PPME1: variants seen among roughly 807,000 people sequenced by gnomAD.
PPME1 encodes protein phosphatase methylesterase 1, also known as testicular secretory protein Li 39.
PPME1 carries 17 observed loss-of-function variants against 56.9 expected under a neutral mutation model. The ratio of observed to expected loss-of-function variants is 0.30; its 90% CI spans 0.20 to 0.45. PPME1 has a LOEUF of 0.45. Ranked by LOEUF, PPME1 falls within the 20% of genes least tolerant of loss-of-function variation. The probability of loss-of-function intolerance (pLI) is 1.00; values close to 1 mark genes in which losing one functional copy is unlikely to be tolerated. For missense variants in PPME1, 357 were observed against 483.2 expected (o/e 0.74, Z 2.45); for synonymous variants, 122 against 156.2 (o/e 0.78, Z 1.63).
At chr11:74,175,287 G>T (rs1462273474) in intron 1 of PPME1, among the ~76,000 whole-genome samples, 1 of 152,116 alleles carries the variant, frequency 6.6e-6, no homozygotes, top group East Asian at 1.9e-4. Flanking sequence ...TGGATCACCT[G>T]AGGTCGGGAG....
chr11:74,250,461 A>G (rs1424417312), intron 11 of PPME1: 1 of 154,202 alleles, frequency 6.5e-6, no homozygotes, highest in Non-Finnish European at 1.4e-5. Context: ...GCCCCTGCTT[A>G]CCTCTCCAGC....
chr11:74,187,655 A>C (rs1857720628), intron 1 of PPME1, among the ~76,000 whole-genome samples: 1 of 152,170 alleles, frequency 6.6e-6, no homozygotes. Flanking sequence ...TTTGCCCTAC[A>C]CATTTTAACA....
intron 11 of PPME1, chr11:74,247,912 T>C (rs116998895): frequency 0.012 from 1,811 of 152,698 alleles, 13 homozygotes; most frequent in Middle Eastern, 0.051. Flanking sequence ...TCTCTGAAGT[T>C]CGGAAAACTG....
chr11:74,237,273 G>GTTTTTTTTTTTT (rs1859214670), intron 8 of PPME1, among the ~76,000 whole-genome samples: 4 of 134,378 alleles, frequency 3.0e-5, no homozygotes, highest in African/African-American at 1.0e-4. Flanking sequence ...ATGTCTGGTT[G>GTTTTTTTTTTTT]TCTTTTTTTT....
chr11:74,217,278 G>A (rs976133503), intron 3 of PPME1, among the ~76,000 whole-genome samples: 3 of 151,838 alleles, frequency 2.0e-5, no homozygotes, highest in African/African-American at 7.3e-5. Flanking sequence ...ACAGTGGCTC[G>A]TGCCTGTAAT....
At chr11:74,196,140 A>G (rs1857976358) in intron 1 of PPME1, among the ~76,000 whole-genome samples, 1 of 152,236 alleles carries the variant, frequency 6.6e-6, no homozygotes. Context: ...TGAAATTTAG[A>G]CTAAAAGAAT....
chr11:74,191,963 G>A (rs79715688), intron 1 of PPME1, among the ~76,000 whole-genome samples: 5,627 of 152,284 alleles, frequency 0.037, 219 homozygotes, highest in African/African-American at 0.099. Context: ...CCACTGGAGC[G>A]TCACCTAGTG....
Position 74,251,696 on chromosome 11 carries a change from C to G in PPME1, c.1123C>G (p.Pro375Ala), listed in dbSNP as rs1316697283. 1 of 1,613,956 alleles carries G rather than the reference C, an allele frequency of 6.2e-7. No individual in the cohort carries two copies. The highest frequency in any genetic ancestry group is 8.5e-7 in the Non-Finnish European group (1 of 1,179,856). The change falls in exon 13 of 14, where the codon CCC (proline) becomes GCC (alanine). Residue 375 changes from proline (P) to alanine (A), a missense_variant. By Grantham distance (27) the Pro-to-Ala change is conservative (BLOSUM62 -1). Transcript: ENST00000328257. ...TFLIRHRFAE[P>A]IGGFQCVFPG... ...CCTGATCCGGCACAGGTTTGCAGAA[C>G]CCATCGGTGGATTCCAGTGGTAAGG...
At chr11:74,206,204 AT>A (rs1358153657) in intron 3 of PPME1, among the ~76,000 whole-genome samples, 1 of 152,262 alleles carries the variant, frequency 6.6e-6, no homozygotes, top group East Asian at 1.9e-4. Flanking sequence ...TGCTTGAAGA[AT>A]TTTATGTATG....
At chr11:74,209,819 A>G (rs571227630) in intron 3 of PPME1, among the ~76,000 whole-genome samples, 9 of 152,186 alleles carry the variant, frequency 5.9e-5, no homozygotes, top group Non-Finnish European at 1.3e-4. Context: ...GTTTGAAGCT[A>G]TTTGATTTAT....
intron 1 of PPME1, among the ~76,000 whole-genome samples, chr11:74,193,557 T>A (rs1002037597): frequency 2.0e-5 from 3 of 152,232 alleles, no homozygotes; most frequent in African/African-American, 7.2e-5. Flanking sequence ...GTACGGCCTC[T>A]TCAAATACTG....
intron 1 of PPME1, among the ~76,000 whole-genome samples, chr11:74,182,592 T>G (rs1177470675): frequency 6.6e-6 from 1 of 152,156 alleles, no homozygotes; most frequent in Admixed American, 6.5e-5. Flanking sequence ...ACTCCTGACC[T>G]CAAGAGATCT....
rs989090156 is a variant in PPME1, at chr11:74,235,909, G to C, written c.653G>C (p.Ser218Thr). ...LENAIEWSVK[S>T]GQIRNLESAR... ...TTTCTTTTCTTTCCCAGTGTGAAGA[G>C]TGGCCAGATTCGAAATCTGGAGTCT... is the stretch of plus-strand genomic sequence containing the variant. Residue 218 changes from serine to threonine, a missense_variant, in exon 8 of 14, where the codon AGT becomes ACT. This residue lies in a region of PPME1 where 182 missense variants were observed against 293.8 expected (regional missense o/e 0.62). Transcript: ENST00000328257. 2 of 1,611,638 alleles carry C rather than the reference G, an allele frequency of 1.2e-6. No homozygotes were observed. The highest frequency in any genetic ancestry group is 1.7e-6 in the Non-Finnish European group (2 of 1,178,984).
At chr11:74,251,868 G>C (rs1390408290) in intron 13 of PPME1, 153 bp downstream of exon 13, 1 of 973,008 alleles carries the variant, frequency 1.0e-6, no homozygotes, top group Non-Finnish European at 1.7e-6. Context: ...TGGCATGTCT[G>C]TTTCTACAAA....
chr11:74,216,362 C>T lies in PPME1; in HGVS notation c.289-5950C>T, dbSNP rs183454909. On this transcript the variant is annotated intron_variant, in intron 3 of 13. Coordinates refer to ENST00000328257, the MANE Select transcript of PPME1 (RefSeq NM_016147.3). ...AGGAATTTTGGATACTATACAAACA[C>T]ATAGAAAATAAACACTATGCTCCTA... Among the ~76,000 whole-genome samples, 13 of 152,162 alleles carry T rather than the reference C, an allele frequency of 8.5e-5. 1 individual carries two copies. The highest frequency in any genetic ancestry group is 2.9e-4 in the African/African-American group (12 of 41,524).
At chr11:74,235,358 T>C (rs1859165225) in intron 7 of PPME1, among the ~76,000 whole-genome samples, 1 of 152,098 alleles carries the variant, frequency 6.6e-6, no homozygotes, top group Non-Finnish European at 1.5e-5. Context: ...CACGCTCCCC[T>C]TTTATCTCCT....
At chr11:74,229,108 A>G (rs753583766) in intron 5 of PPME1, among the ~76,000 whole-genome samples, 4 of 152,176 alleles carry the variant, frequency 2.6e-5, no homozygotes, top group Non-Finnish European at 5.9e-5. Context: ...CAGTTGTTGT[A>G]TGAGATTTTA....
intron 10 of PPME1, 73 bp downstream of exon 10, chr11:74,246,278 C>A (rs1859500948): frequency 7.4e-6 from 10 of 1,352,424 alleles, no homozygotes; most frequent in Admixed American, 2.9e-5. Flanking sequence ...GTGGCTTAAA[C>A]AACAGAAATT....
intron 1 of PPME1, among the ~76,000 whole-genome samples, chr11:74,178,267 G>A (rs1350361972): frequency 1.3e-5 from 2 of 152,150 alleles, no homozygotes; most frequent in Non-Finnish European, 2.9e-5. Context: ...TCCTAGCTAA[G>A]CTTGTCTTTT....
Sources: allele counts gnomAD v4.1 joint callset (sites outside exome capture counted in the v4.1 genomes callset), GRCh38; gene constraint gnomAD v4.1.1; regional missense constraint gnomAD v4.1.1; transcripts MANE v1.5; gene names NCBI Gene and HGNC (gene_info 2026-07-23, HGNC 2026-07-21).